The following TRABD2B variants were observed in gnomAD, a reference collection of about 807,000 sequenced individuals.
TRABD2B encodes metalloprotease TIKI2.
In TRABD2B, 14 loss-of-function variants were observed where a neutral mutation model predicts 40.1. The observed-to-expected ratio is 0.35, with a 90% CI of 0.23 to 0.55. TRABD2B has a LOEUF of 0.55. Ranked by LOEUF, TRABD2B falls within the 20% of genes least tolerant of loss-of-function variation. TRABD2B has a pLI of 0.90. For missense variants in TRABD2B, 541 were observed against 648.6 expected, an observed-to-expected ratio of 0.83 and a Z score of 1.80; for synonymous variants, 263 against 277.0, an observed-to-expected ratio of 0.95 and a Z score of 0.50.
chr1:47,993,482 G>A (rs1390721154), intron 2 of TRABD2B, among the ~76,000 whole-genome samples: 1 of 152,146 alleles, frequency 6.6e-6, no homozygotes, highest in African/African-American at 2.4e-5. Flanking sequence ...TTAGCGAGGC[G>A]GTCCGAGGGT....
At chr1:47,767,830 C>G (rs968911562) in intron 6 of TRABD2B, among the ~76,000 whole-genome samples, 5 of 152,328 alleles carry the variant, frequency 3.3e-5, no homozygotes, top group African/African-American at 1.2e-4. Context: ...TGCATTTCCT[C>G]GGGCTGGGCC....
chr1:47,991,719 TCTCA>T (rs148666192), intron 2 of TRABD2B, among the ~76,000 whole-genome samples: 6,497 of 152,216 alleles, frequency 0.043, 458 homozygotes, highest in African/African-American at 0.15. Context: ...CGCCTTCTTC[TCTCA>T]CTGTCTCCCC....
intron 2 of TRABD2B, among the ~76,000 whole-genome samples, chr1:47,942,614 G>A (rs769987262): frequency 3.9e-5 from 6 of 152,124 alleles, no homozygotes; most frequent in Non-Finnish European, 4.4e-5. Context: ...CCGAGGCTTG[G>A]ATCAAAATAA....
chr1:47,810,579 T>G (rs2124344385), intron 2 of TRABD2B, among the ~76,000 whole-genome samples: 1 of 152,288 alleles, frequency 6.6e-6, no homozygotes, highest in East Asian at 1.9e-4. Flanking sequence ...GGACCTGTGT[T>G]AGGCAGGGAC....
intron 2 of TRABD2B, among the ~76,000 whole-genome samples, chr1:47,869,271 G>A (rs1644106579): frequency 6.6e-6 from 1 of 152,206 alleles, no homozygotes; most frequent in African/African-American, 2.4e-5. Flanking sequence ...TAAATGGACA[G>A]ACATTGCTGA....
intron 2 of TRABD2B, among the ~76,000 whole-genome samples, chr1:47,978,268 A>T (rs553598576): frequency 6.6e-6 from 1 of 152,314 alleles, no homozygotes; most frequent in Admixed American, 6.5e-5. Context: ...TCCTCACCAG[A>T]CACTGAATCT....
At chr1:47,846,420 C>G (rs118112176) in intron 2 of TRABD2B, among the ~76,000 whole-genome samples, 2 of 152,146 alleles carry the variant, frequency 1.3e-5, no homozygotes, top group East Asian at 3.9e-4. Context: ...TGTGCTCATC[C>G]AAGAGCCGAA....
chr1:47,984,468 G>A (rs1246088878), intron 2 of TRABD2B, among the ~76,000 whole-genome samples: 1 of 152,262 alleles, frequency 6.6e-6, no homozygotes, highest in African/African-American at 2.4e-5. Flanking sequence ...CTCTGCGCCA[G>A]GGCGTGAAAT....
At chr1:47,952,839 C>T (rs1645365161) in intron 2 of TRABD2B, among the ~76,000 whole-genome samples, 1 of 152,222 alleles carries the variant, frequency 6.6e-6, no homozygotes, top group Non-Finnish European at 1.5e-5. Flanking sequence ...GACCTGTCTC[C>T]TGGAGGACAC....
intron 2 of TRABD2B, among the ~76,000 whole-genome samples, chr1:47,942,839 G>C (rs958377656): frequency 1.3e-5 from 2 of 152,196 alleles, no homozygotes; most frequent in African/African-American, 4.8e-5. Flanking sequence ...AGACTGGTAG[G>C]GGCCTGAGCT....
chr1:47,766,260 G>C (rs1294879244), intron 6 of TRABD2B, among the ~76,000 whole-genome samples, 154 bp from the exon 7 acceptor site: 1 of 152,178 alleles, frequency 6.6e-6, no homozygotes, highest in East Asian at 1.9e-4. Flanking sequence ...GCAGCCCAGA[G>C]CCACACAACC....
chr1:47,997,229 G>C lies in TRABD2B; in HGVS notation c.-440C>G, dbSNP rs1221800704. On this transcript the variant is annotated 5_prime_UTR_variant, in exon 1 of 7. Transcript: ENST00000606738. ...GGGTGCGCGGCGCTCCAGGAGGCGC[G>C]CAGTGGGACAAGTGCGGCGGAAGGC... 2 of 982,768 alleles carry C rather than the reference G, an allele frequency of 2.0e-6. No homozygotes were observed. The highest frequency in any genetic ancestry group is 2.4e-6 in the Non-Finnish European group (2 of 829,006). The allele number at this position is 982,768 out of a possible 1,614,324, so 60.9% of individuals were successfully genotyped here.
At chr1:47,793,277 T>A (rs1219188690) in intron 4 of TRABD2B, among the ~76,000 whole-genome samples, 1 of 152,026 alleles carries the variant, frequency 6.6e-6, no homozygotes, top group Non-Finnish European at 1.5e-5. Context: ...ACAGCAGAGA[T>A]CCTGCATGAA....
intron 2 of TRABD2B, among the ~76,000 whole-genome samples, chr1:47,925,615 G>A (rs1025331107): frequency 1.3e-5 from 2 of 152,222 alleles, no homozygotes; most frequent in African/African-American, 4.8e-5. Context: ...GAAGATGCTG[G>A]AGCCTCATGC....
At chr1:47,798,132 TG>T (rs1429771627) in intron 3 of TRABD2B, among the ~76,000 whole-genome samples, 1 of 152,034 alleles carries the variant, frequency 6.6e-6, no homozygotes, top group Non-Finnish European at 1.5e-5. Context: ...CACAGACTGA[TG>T]GGGGAGTCAC....
intron 2 of TRABD2B, among the ~76,000 whole-genome samples, chr1:47,984,809 C>G (rs1408075310): frequency 3.3e-5 from 5 of 152,022 alleles, no homozygotes; most frequent in African/African-American, 1.2e-4. Flanking sequence ...CCACAACACA[C>G]CACAAGACAA....
intron 2 of TRABD2B, among the ~76,000 whole-genome samples, chr1:47,944,433 CAG>C (rs1252034537): frequency 6.6e-6 from 1 of 152,150 alleles, no homozygotes; most frequent in African/African-American, 2.4e-5. Flanking sequence ...GAAGCCAAGA[CAG>C]AGTCAGAGGT....
At chr1:47,778,112 A>G (rs1644472415) in intron 5 of TRABD2B, among the ~76,000 whole-genome samples, 1 of 152,046 alleles carries the variant, frequency 6.6e-6, no homozygotes, top group African/African-American at 2.4e-5. Flanking sequence ...TCCCAGTACC[A>G]TCTCGATTCA....
intron 2 of TRABD2B, among the ~76,000 whole-genome samples, chr1:47,808,388 T>C (rs1379271907): frequency 6.6e-6 from 1 of 152,188 alleles, no homozygotes; most frequent in African/African-American, 2.4e-5. Context: ...TCTGTTTTTC[T>C]GGAGAACTAA....
Sources: gnomAD v4.1 joint callset for allele counts (sites outside exome capture counted in the v4.1 genomes callset) on GRCh38, gnomAD v4.1.1 for gene constraint, MANE v1.5 for transcripts, NCBI Gene and HGNC (gene_info 2026-07-23, HGNC 2026-07-21) for gene names.